The following ESRRG variants were observed in gnomAD, a reference collection of about 807,000 sequenced individuals.
The protein encoded by ESRRG is estrogen-related receptor gamma.
Under a neutral mutation model 44.0 loss-of-function variants are expected in ESRRG, and 13 were observed. The ratio of observed to expected loss-of-function variants is 0.30; its 90% CI spans 0.19 to 0.47. The LOEUF (loss-of-function observed/expected upper bound fraction) is 0.47, where lower values mean the gene tolerates loss of function less well. Among genes scored for constraint, ESRRG ranks in the 20% least tolerant of loss-of-function variants. The probability of loss-of-function intolerance (pLI) is 1.00; values close to 1 mark genes in which losing one functional copy is unlikely to be tolerated. For missense variants in ESRRG, 395 were observed against 580.6 expected, an observed-to-expected ratio of 0.68 and a Z score of 3.29; for synonymous variants, 215 against 214.6, an observed-to-expected ratio of 1.00 and a Z score of -0.02.
intron 6 of ESRRG, among the ~76,000 whole-genome samples, chr1:216,514,582 G>C (rs560167244): frequency 1.3e-5 from 2 of 152,170 alleles, no homozygotes; most frequent in South Asian, 2.1e-4. Flanking sequence ...ACTAATTTAG[G>C]CTCCCAGATG....
chr1:216,973,194 C>A (rs2072072010), intron 1 of ESRRG, among the ~76,000 whole-genome samples: 1 of 152,128 alleles, frequency 6.6e-6, no homozygotes, highest in Admixed American at 6.5e-5. Flanking sequence ...CTCCTCACCT[C>A]AAAATCCTAT....
intron 2 of ESRRG, among the ~76,000 whole-genome samples, chr1:216,828,569 G>A (rs371776895): frequency 1.8e-4 from 28 of 152,000 alleles, no homozygotes; most frequent in African/African-American, 7.2e-5. Flanking sequence ...ACACACCTTC[G>A]CCATGATCTT....
At position 217,108,026 on chromosome 1, in the gene ESRRG, C is replaced by A. The variant is rs951306739; in HGVS notation, c.-230+29641G>T. ...TGCTATGTTTAAAAAAAAAACAGTG[C>A]CTCCCCATAACCTACCAAATTAAAA... On this transcript the variant is annotated intron_variant, in intron 1 of 8. Coordinates refer to the ESRRG transcript ENST00000366940. Among the ~76,000 whole-genome samples, 4 of 151,896 alleles carry A rather than the reference C, an allele frequency of 2.6e-5. No homozygotes were observed. The South Asian group carries it at 8.3e-4, about 32-fold the overall frequency.
chr1:216,640,861 G>GA (rs1268275825), intron 3 of ESRRG, among the ~76,000 whole-genome samples: 6 of 152,220 alleles, frequency 3.9e-5, no homozygotes, highest in South Asian at 4.1e-4. Context: ...GGCTGGTGGG[G>GA]AAAAAATCCA....
At position 216,821,704 on chromosome 1, in the gene ESRRG, ATAAATAAAT is replaced by A. The variant is rs2095297768; in HGVS notation, c.-14+117869_-14+117877del. 2.1e-4 allele frequency among the ~76,000 whole-genome samples: 27 copies of A among 131,638 alleles called. 6 individuals carry two copies. In the South Asian group the frequency reaches 4.2e-3, roughly 20 times the overall value. 86.4% of individuals were successfully genotyped at this position (131,638 alleles called of 152,430 possible). On this transcript the variant is annotated intron_variant, in intron 2 of 7. Coordinates refer to the ESRRG transcript ENST00000359162. ...TGCCTCAGGAAAAATAAATAAATAA[ATAAATAAAT>A]AAATAAATAAATAAATAAATAAATA...
At chr1:217,046,347 C>T (rs2084882121) in intron 1 of ESRRG, among the ~76,000 whole-genome samples, 1 of 152,126 alleles carries the variant, frequency 6.6e-6, no homozygotes, top group Non-Finnish European at 1.5e-5. Context: ...AATCCACCTG[C>T]TAGCACTGCA....
chr1:216,756,020 G>A (rs191349933), intron 2 of ESRRG, among the ~76,000 whole-genome samples: 47 of 152,148 alleles, frequency 3.1e-4, no homozygotes, highest in Admixed American at 1.4e-3. Flanking sequence ...GACCCAAGTA[G>A]TGTGCATTCC....
chr1:216,962,803 G>GA (rs2069399165), intron 1 of ESRRG, among the ~76,000 whole-genome samples: 1 of 152,066 alleles, frequency 6.6e-6, no homozygotes, highest in Non-Finnish European at 1.5e-5. Flanking sequence ...TTAGAGCTCA[G>GA]AAAAAACAGT....
intron 1 of ESRRG, among the ~76,000 whole-genome samples, chr1:216,986,081 C>T (rs1230047951): frequency 6.6e-6 from 1 of 152,020 alleles, no homozygotes; most frequent in Non-Finnish European, 1.5e-5. Context: ...GGTGACATTT[C>T]CTATAGCAAG....
intron 2 of ESRRG, among the ~76,000 whole-genome samples, chr1:216,771,266 TC>T (rs2093366835): frequency 6.6e-6 from 1 of 152,182 alleles, no homozygotes; most frequent in Non-Finnish European, 1.5e-5. Flanking sequence ...GTTTTATTCA[TC>T]TGCTAAAGAT....
chr1:217,021,364 C>T (rs1232469290), intron 1 of ESRRG, among the ~76,000 whole-genome samples: 1 of 152,126 alleles, frequency 6.6e-6, no homozygotes, highest in Non-Finnish European at 1.5e-5. Flanking sequence ...AACCCATGAC[C>T]AATCTCATTA....
At chr1:217,051,562 G>T (rs933330781) in intron 1 of ESRRG, among the ~76,000 whole-genome samples, 1 of 152,100 alleles carries the variant, frequency 6.6e-6, no homozygotes, top group Non-Finnish European at 1.5e-5. Flanking sequence ...CACTGGCATG[G>T]GCCATCCTTT....
At chr1:216,521,535 T>C (rs954896961) in intron 5 of ESRRG, among the ~76,000 whole-genome samples, 3 of 152,150 alleles carry the variant, frequency 2.0e-5, no homozygotes, top group South Asian at 2.1e-4. Context: ...TTCCTTTTCA[T>C]GCTCCCAAGT....
chr1:217,119,868 T>C (rs188492985), intron 1 of ESRRG, among the ~76,000 whole-genome samples: 1 of 152,344 alleles, frequency 6.6e-6, no homozygotes, highest in Admixed American at 6.5e-5. Flanking sequence ...ATTACTGGTG[T>C]GGCAGAAATT....
intron 1 of ESRRG, among the ~76,000 whole-genome samples, chr1:216,698,943 T>C (rs906324314): frequency 2.6e-5 from 4 of 152,194 alleles, no homozygotes; most frequent in African/African-American, 9.7e-5. Flanking sequence ...GCTGACAGAT[T>C]AGCCAGTTCA....
chr1:217,110,078 T>A (rs2092644197), intron 1 of ESRRG, among the ~76,000 whole-genome samples: 1 of 152,132 alleles, frequency 6.6e-6, no homozygotes, highest in African/African-American at 2.4e-5. Flanking sequence ...CTTTTCATCA[T>A]CTGGAACACA....
chr1:216,661,959 A>T (rs2151241444), intron 2 of ESRRG, among the ~76,000 whole-genome samples: 1 of 152,232 alleles, frequency 6.6e-6, no homozygotes, highest in African/African-American at 2.4e-5. Context: ...TTTCCGTGTG[A>T]CTTTGGAGCA....
intron 2 of ESRRG, among the ~76,000 whole-genome samples, chr1:216,895,246 T>A (rs2058282983): frequency 6.6e-6 from 1 of 152,208 alleles, no homozygotes; most frequent in African/African-American, 2.4e-5. Flanking sequence ...TCCTTTCATG[T>A]GTGAGGAAAA....
chr1:216,993,427 C>T (rs2075990191), intron 1 of ESRRG, among the ~76,000 whole-genome samples: 1 of 152,146 alleles, frequency 6.6e-6, no homozygotes, highest in Admixed American at 6.5e-5. Flanking sequence ...ATTTTCCATG[C>T]TACTTTTATA....
Sources: gnomAD v4.1 joint callset for allele counts (sites outside exome capture counted in the v4.1 genomes callset) on GRCh38, gnomAD v4.1.1 for gene constraint, MANE v1.5 for transcripts, NCBI Gene and HGNC (gene_info 2026-07-23, HGNC 2026-07-21) for gene names.